SDK1: variants seen among roughly 807,000 people sequenced by gnomAD.
SDK1 encodes the protein protein sidekick-1.
A neutral mutation model predicts 245.5 loss-of-function variants in SDK1; 157 were observed. The observed-to-expected ratio is 0.64, with a 90% CI of 0.56 to 0.73. SDK1 has a LOEUF of 0.73. SDK1 is among the 30% of genes least tolerant of loss of function. The pLI, the probability that SDK1 is intolerant of heterozygous loss-of-function variation, is 0.00. For missense variants in SDK1, 3,583 were observed against 3,002.3 expected (o/e 1.19, Z -4.52); for synonymous variants, 1,647 against 1,278.5 (o/e 1.29, Z -6.15).
chr7:3,581,473 T>C (rs780543186), intron 1 of SDK1, among the ~76,000 whole-genome samples: 12 of 152,224 alleles, frequency 7.9e-5, no homozygotes, highest in Middle Eastern at 6.8e-3. Context: ...GTCAGAATGG[T>C]TATCATTAAA....
At chr7:3,340,635 C>A (rs149258229) in intron 1 of SDK1, among the ~76,000 whole-genome samples, 421 of 151,878 alleles carry the variant, frequency 2.8e-3, no homozygotes, top group Non-Finnish European at 4.6e-3. Flanking sequence ...TGGTGGCAGG[C>A]GCCTGTAGTC....
intron 4 of SDK1, among the ~76,000 whole-genome samples, chr7:3,795,559 C>T (rs73308024): frequency 0.01 from 1,525 of 152,126 alleles, 18 homozygotes; most frequent in African/African-American, 0.035. Context: ...TTCCTTTTAC[C>T]CCTCACTGTA....
intron 4 of SDK1, among the ~76,000 whole-genome samples, chr7:3,669,582 A>G (rs1783633305): frequency 6.6e-6 from 1 of 152,116 alleles, no homozygotes; most frequent in Non-Finnish European, 1.5e-5. Flanking sequence ...CCTCTTTGCC[A>G]ACTTGCCTTC....
intron 28 of SDK1, among the ~76,000 whole-genome samples, chr7:4,136,028 G>A (rs924163110): frequency 6.6e-6 from 1 of 152,216 alleles, no homozygotes; most frequent in Non-Finnish European, 1.5e-5. Context: ...AAGTGCGTCG[G>A]GAGGTATGGA....
intron 4 of SDK1, among the ~76,000 whole-genome samples, chr7:3,815,537 T>A (rs1333740911): frequency 2.0e-5 from 3 of 149,762 alleles, no homozygotes; most frequent in African/African-American, 7.4e-5. Context: ...TGAGGATTTT[T>A]GCATCAATGT....
chr7:4,110,639 A>G (rs1783278386), intron 22 of SDK1, 24 bp from the exon 23 acceptor site: 2 of 1,531,988 alleles, frequency 1.3e-6, no homozygotes, highest in Admixed American at 1.7e-5. Context: ...TGTCCAGCCC[A>G]TCTCAGTGTC....
intron 29 of SDK1, among the ~76,000 whole-genome samples, chr7:4,147,166 C>G (rs592547): frequency 0.21 from 32,138 of 152,132 alleles, 3,893 homozygotes; most frequent in African/African-American, 0.33. Flanking sequence ...GCACACAGTT[C>G]TGGCCACGCT....
At chr7:3,590,415 A>AT (rs1175702892) in intron 1 of SDK1, among the ~76,000 whole-genome samples, 3 of 151,756 alleles carry the variant, frequency 2.0e-5, no homozygotes, top group Non-Finnish European at 2.9e-5. Flanking sequence ...CAGAACAAAG[A>AT]TTTTTTAGTT....
intron 5 of SDK1, among the ~76,000 whole-genome samples, chr7:3,878,072 A>T (rs570250348): frequency 1.3e-5 from 2 of 152,258 alleles, no homozygotes; most frequent in Non-Finnish European, 1.5e-5. Flanking sequence ...CCATTAAAGC[A>T]TATGTAATGT....
At position 3,627,300 on chromosome 7, in the gene SDK1, C is replaced by G. The variant is rs558577916; in HGVS notation, c.458+8061C>G. ...CTACTTCCAGGTGATGTAATAGCTA[C>G]TAGGACTACCGGATCCTCTGGGGAA... On this transcript the variant is annotated intron_variant, in intron 2 of 44. Transcript: ENST00000404826. Among the ~76,000 whole-genome samples the G allele has an allele frequency of 2.0e-5, 3 of 152,230 alleles. No homozygotes were observed. The South Asian group carries it at 6.2e-4, about 32-fold the overall frequency.
At chr7:3,824,004 A>T (rs1293780753) in intron 5 of SDK1, among the ~76,000 whole-genome samples, 1 of 148,658 alleles carries the variant, frequency 6.7e-6, no homozygotes, top group African/African-American at 2.5e-5. Flanking sequence ...GAAAACCTCT[A>T]AAAGTCAGAA....
rs199710172 is a variant in SDK1 at position 3,646,448 on chromosome 7, C to G, written c.713+4343C>G. 5.1e-4 allele frequency among the ~76,000 whole-genome samples: 77 copies of G among 152,250 alleles called. No homozygotes were observed. The East Asian group carries it at 0.011, about 22-fold the overall frequency. ...AGTACCTACTTTAAACATATCTTCT[C>G]TAATCCTCACAATTGCCTTCTGAGG... On this transcript the variant is annotated intron_variant, in intron 4 of 44. Transcript: ENST00000404826.
chr7:4,128,149 C>A (rs1003690454), intron 26 of SDK1, among the ~76,000 whole-genome samples: 2 of 152,202 alleles, frequency 1.3e-5, no homozygotes, highest in African/African-American at 2.4e-5. Context: ...CTTGGCTCAG[C>A]AATGCCAAGC....
chr7:4,137,390 G>T (rs889685703), intron 28 of SDK1, among the ~76,000 whole-genome samples: 1 of 152,206 alleles, frequency 6.6e-6, no homozygotes, highest in African/African-American at 2.4e-5. Flanking sequence ...ACCTGGAGCT[G>T]AGATGCCTAC....
intron 5 of SDK1, among the ~76,000 whole-genome samples, chr7:3,888,407 G>A (rs879906382): frequency 2.6e-5 from 4 of 152,186 alleles, no homozygotes; most frequent in African/African-American, 9.7e-5. Context: ...ACCGTACCCC[G>A]CCTCTGCAAG....
At chr7:3,536,233 TGTGTGTG>T (rs1778883678) in intron 1 of SDK1, among the ~76,000 whole-genome samples, 3 of 149,418 alleles carry the variant, frequency 2.0e-5, no homozygotes, top group Non-Finnish European at 3.0e-5. Flanking sequence ...ATTTTTTTTT[TGTGTGTG>T]TGTTTTTACT....
chr7:4,147,242 G>A (rs1780042368), intron 29 of SDK1, among the ~76,000 whole-genome samples: 1 of 151,960 alleles, frequency 6.6e-6, no homozygotes, highest in African/African-American at 2.4e-5. Context: ...GTGCAGTTAT[G>A]TGATCATAGG....
intron 5 of SDK1, among the ~76,000 whole-genome samples, chr7:3,932,982 C>G (rs950285297): frequency 6.6e-6 from 1 of 152,096 alleles, no homozygotes; most frequent in Non-Finnish European, 1.5e-5. Context: ...CCCAAAGAGG[C>G]TGAGCCCAGA....
chr7:3,580,497 A>G (rs1396788854), intron 1 of SDK1, among the ~76,000 whole-genome samples: 1 of 152,194 alleles, frequency 6.6e-6, no homozygotes, highest in Non-Finnish European at 1.5e-5. Context: ...CATCACACCT[A>G]GAACCATCTG....
Sources: gnomAD v4.1 joint callset for allele counts (sites outside exome capture counted in the v4.1 genomes callset) on GRCh38, gnomAD v4.1.1 for gene constraint, MANE v1.5 for transcripts, NCBI Gene and HGNC (gene_info 2026-07-23, HGNC 2026-07-21) for gene names.